CDH13: variants seen among roughly 807,000 people sequenced by gnomAD.
The protein encoded by CDH13 is cadherin 13.
In CDH13, 24 loss-of-function variants were observed where a neutral mutation model predicts 63.8. The observed-to-expected ratio is 0.38, with a 90% CI of 0.27 to 0.53. CDH13 has a LOEUF of 0.53. Among genes scored for constraint, CDH13 ranks in the 20% least tolerant of loss-of-function variants. CDH13 has a pLI of 0.85. For synonymous variants in CDH13, 503 were observed against 355.3 expected (o/e 1.42, Z -4.67); for missense variants, 1,049 against 903.1 (o/e 1.16, Z -2.07).
intron 4 of CDH13, among the ~76,000 whole-genome samples, chr16:83,216,390 G>T (rs2039510947): frequency 4.7e-5 from 1 of 21,334 alleles, no homozygotes; most frequent in East Asian, 1.3e-3. Flanking sequence ...TCTGCCTCCA[G>T]CATTGAAATA....
chr16:83,305,463 C>G (rs1463766332), intron 5 of CDH13, among the ~76,000 whole-genome samples: 1 of 152,206 alleles, frequency 6.6e-6, no homozygotes, highest in Non-Finnish European at 1.5e-5. Flanking sequence ...GGTTTCCATT[C>G]TAATCCCAAA....
intron 2 of CDH13, among the ~76,000 whole-genome samples, chr16:82,872,297 A>G (rs1021705329): frequency 3.9e-5 from 6 of 152,188 alleles, no homozygotes; most frequent in African/African-American, 1.4e-4. Context: ...CTTAATTAAG[A>G]CTATCAAATT....
At chr16:83,431,872 G>A (rs891593291) in intron 6 of CDH13, among the ~76,000 whole-genome samples, 2 of 152,168 alleles carry the variant, frequency 1.3e-5, no homozygotes, top group African/African-American at 2.4e-5. Context: ...TTTGGGTGGG[G>A]TCACAGATCC....
chr16:82,865,951 T>C (rs2040121284), intron 2 of CDH13, among the ~76,000 whole-genome samples: 1 of 152,220 alleles, frequency 6.6e-6, no homozygotes, highest in Non-Finnish European at 1.5e-5. Context: ...CATGTCATGC[T>C]TGAACACTTT....
intron 8 of CDH13, 66 bp from the exon 9 acceptor site, chr16:83,670,724 C>A (rs1914425797): frequency 2.1e-6 from 3 of 1,413,430 alleles, no homozygotes; most frequent in African/African-American, 1.4e-5. Flanking sequence ...ATACCCAATG[C>A]AAAGCATGTA....
At chr16:83,631,554 C>T (rs758324951) in intron 8 of CDH13, among the ~76,000 whole-genome samples, 2 of 152,050 alleles carry the variant, frequency 1.3e-5, no homozygotes, top group East Asian at 3.9e-4. Flanking sequence ...TTTCATTTAG[C>T]AGAGTTACAG....
Position 83,458,067 on chromosome 16 carries a change from C to A in CDH13, c.782-28410C>A, listed in dbSNP as rs145257233. Reference sequence around the variant, plus strand: ...TAAGTGCACCAGAGGTAGGAACTCACCCACTGTCGCCATTACAGACAGAAC... The same window carrying A: ...TAAGTGCACCAGAGGTAGGAACTCAACCACTGTCGCCATTACAGACAGAAC... On this transcript the variant is annotated intron_variant, in intron 6 of 13. Coordinates refer to ENST00000567109, the MANE Select transcript of CDH13 (RefSeq NM_001257.5). Among the ~76,000 whole-genome samples, 203 of 152,256 alleles carry A rather than the reference C, an allele frequency of 1.3e-3. 1 individual carries two copies. The highest frequency in any genetic ancestry group is 0.012 in the South Asian group (59 of 4,820).
intron 5 of CDH13, among the ~76,000 whole-genome samples, chr16:83,253,606 A>G (rs547207416): frequency 6.6e-6 from 1 of 152,186 alleles, no homozygotes; most frequent in African/African-American, 2.4e-5. Flanking sequence ...GTGCTTTGCA[A>G]GCCTGGTTGC....
chr16:83,746,585 C>G (rs960415088), intron 10 of CDH13, among the ~76,000 whole-genome samples: 1 of 152,166 alleles, frequency 6.6e-6, no homozygotes, highest in Non-Finnish European at 1.5e-5. Context: ...GATTTTCAAT[C>G]CTGTTGGTTA....
chr16:83,507,226 C>T (rs905170826), intron 7 of CDH13, among the ~76,000 whole-genome samples: 5 of 152,134 alleles, frequency 3.3e-5, no homozygotes, highest in African/African-American at 1.2e-4. Context: ...GCCACTGTCA[C>T]AAGGAAAAGC....
intron 5 of CDH13, among the ~76,000 whole-genome samples, chr16:83,221,557 C>T (rs990157937): frequency 6.6e-6 from 1 of 151,924 alleles, no homozygotes; most frequent in Non-Finnish European, 1.5e-5. Context: ...GGTAATGATT[C>T]CCTCACACTG....
chr16:83,338,941 G>A (rs1463902682), intron 5 of CDH13, among the ~76,000 whole-genome samples: 1 of 152,138 alleles, frequency 6.6e-6, no homozygotes, highest in African/African-American at 2.4e-5. Flanking sequence ...ACCATTGAAA[G>A]GTATCCAATA....
At chr16:83,141,090 T>G (rs1019771705) in intron 4 of CDH13, among the ~76,000 whole-genome samples, 1 of 152,256 alleles carries the variant, frequency 6.6e-6, no homozygotes, top group Non-Finnish European at 1.5e-5. Context: ...AATACTTTTT[T>G]GTTGTATTTA....
rs144455504 is a variant in CDH13, at chr16:82,936,506, A to C, written c.157+78033A>C. ...TCCCATGAAAAAATTAGCTTCCACA[A>C]AACTGGTCCTTGGTGCTGAAAAGGT... On this transcript the variant is annotated intron_variant, in intron 2 of 13. Coordinates refer to ENST00000567109, the MANE Select transcript of CDH13 (RefSeq NM_001257.5). 3.9e-4 allele frequency among the ~76,000 whole-genome samples: 60 copies of C among 152,186 alleles called. No individual in the cohort carries two copies. In the East Asian group the frequency reaches 0.011, roughly 27 times the overall value.
chr16:83,057,807 A>C (rs1427189553), intron 3 of CDH13, among the ~76,000 whole-genome samples: 2 of 152,206 alleles, frequency 1.3e-5, no homozygotes, highest in East Asian at 3.9e-4. Context: ...TGTTAAGACC[A>C]GAGTGTGCTT....
intron 5 of CDH13, among the ~76,000 whole-genome samples, chr16:83,251,681 C>G (rs1257128542): frequency 1.3e-5 from 2 of 152,236 alleles, no homozygotes; most frequent in Admixed American, 6.5e-5. Flanking sequence ...CCTTCGTTGA[C>G]AAGCCAAGCC....
intron 6 of CDH13, among the ~76,000 whole-genome samples, chr16:83,441,496 C>T (rs2072478963): frequency 6.6e-6 from 1 of 152,092 alleles, no homozygotes; most frequent in South Asian, 2.1e-4. Context: ...AATTTTTGGT[C>T]AGTGATATTT....
chr16:82,719,263 A>G (rs1597397484), intron 1 of CDH13: 1 of 405,186 alleles, frequency 2.5e-6, no homozygotes, highest in East Asian at 7.5e-5. Context: ...GGCCTGTAAT[A>G]TAATTTTGGC....
chr16:83,551,984 G>T (rs1214593122), intron 7 of CDH13, among the ~76,000 whole-genome samples: 1 of 152,232 alleles, frequency 6.6e-6, no homozygotes, highest in Non-Finnish European at 1.5e-5. Context: ...GGGTTAATAA[G>T]TAATGGGTTA....
Sources: allele counts gnomAD v4.1 joint callset (sites outside exome capture counted in the v4.1 genomes callset), GRCh38; gene constraint gnomAD v4.1.1; transcripts MANE v1.5; gene names NCBI Gene and HGNC (gene_info 2026-07-23, HGNC 2026-07-21).